Variants in RANBP3 observed in about 807,000 individuals in gnomAD.
The protein encoded by RANBP3 is RAN binding protein 3.
Under a neutral mutation model 77.3 loss-of-function variants are expected in RANBP3, and 14 were observed. The observed-to-expected ratio is 0.18, with a 90% confidence interval of 0.12 to 0.28. RANBP3 has a LOEUF of 0.28. RANBP3 is among the 10% of genes least tolerant of loss of function. The probability of loss-of-function intolerance (pLI) is 1.00; values close to 1 mark genes in which losing one functional copy is unlikely to be tolerated. For synonymous variants in RANBP3, 315 were observed against 312.4 expected (o/e 1.01, Z -0.09); for missense variants, 586 against 752.3 (o/e 0.78, Z 2.59).
At chr19:5,965,837 C>T (rs971139492) in intron 1 of RANBP3, 3 of 152,236 alleles carry the variant, frequency 2.0e-5, no homozygotes, top group African/African-American at 7.2e-5. Flanking sequence ...CAGCGTTCTT[C>T]GAGCACTTCT....
At chr19:5,929,461 G>A (rs778526981) in intron 8 of RANBP3, among the ~76,000 whole-genome samples, 2 of 152,240 alleles carry the variant, frequency 1.3e-5, no homozygotes, top group Non-Finnish European at 2.9e-5. Flanking sequence ...GATGGGGCAG[G>A]CAAACAGCAA....
At chr19:5,941,321 G>A (rs1413752647) in intron 5 of RANBP3, among the ~76,000 whole-genome samples, 3 of 152,122 alleles carry the variant, frequency 2.0e-5, no homozygotes, top group African/African-American at 7.3e-5. Context: ...ACAGGCAGAG[G>A]CCCCAACAGG....
chr19:5,966,625 A>G (rs1599795625), intron 1 of RANBP3, among the ~76,000 whole-genome samples: 1 of 152,248 alleles, frequency 6.6e-6, no homozygotes, highest in African/African-American at 2.4e-5. Context: ...TTGCTTCCCC[A>G]CCAGCCCATG....
chr19:5,924,008 G>A lies in RANBP3; in HGVS notation c.997-94C>T, dbSNP rs543631002. On this transcript the variant is annotated intron_variant, in intron 11 of 16. Transcript: ENST00000340578. This position sits in a 1 kb window ranked among gnomAD's most constrained non-coding sequence, Gnocchi z 4.7. ...CTCTCTGCCTGGCCCCCAACACTAC[G>A]CTGCCCCCAGCACTCCTGCCCACTC... The A allele has an allele frequency of 2.0e-4, 191 of 941,794 alleles. 5 individuals carry two copies. In the South Asian group the frequency reaches 2.6e-3, roughly 13 times the overall value. 58.3% of individuals were successfully genotyped at this position (941,794 alleles called of 1,614,324 possible).
chr19:5,968,932 C>T (rs762652915), intron 1 of RANBP3, among the ~76,000 whole-genome samples: 88 of 152,206 alleles, frequency 5.8e-4, no homozygotes, highest in Admixed American at 9.8e-4. Context: ...GAGCTGGGTG[C>T]TGCAGAGAAA....
intron 1 of RANBP3, 121 bp downstream of exon 1, chr19:5,977,940 C>T (rs2058617167): frequency 1.5e-6 from 2 of 1,322,526 alleles, no homozygotes; most frequent in African/African-American, 3.1e-5. Flanking sequence ...CGCCACGGCG[C>T]TAGCCTGGAG....
chr19:5,917,691 C>A, intron 16 of RANBP3, 38 bp from the exon 17 acceptor site: 1 of 1,599,524 alleles, frequency 6.3e-7, no homozygotes. Context: ...GGATGGAGCC[C>A]GCACTTCCCA....
chr19:5,932,330 T>C, intron 7 of RANBP3, 122 bp downstream of exon 7: 1 of 761,412 alleles, frequency 1.3e-6, no homozygotes, highest in Non-Finnish European at 2.2e-6. Context: ...TCTTCCCTGA[T>C]CTCTCTGTAT....
At chr19:5,967,313 T>C (rs972309693) in intron 1 of RANBP3, among the ~76,000 whole-genome samples, 8 of 152,222 alleles carry the variant, frequency 5.3e-5, no homozygotes, top group Non-Finnish European at 7.3e-5. Flanking sequence ...TATCCTACAT[T>C]TTATGTACTT....
intron 1 of RANBP3, among the ~76,000 whole-genome samples, chr19:5,961,398 G>A (rs577232246): frequency 1.1e-4 from 16 of 147,474 alleles, no homozygotes; most frequent in African/African-American, 3.8e-4. Context: ...GTGACAGAGC[G>A]AGATTCCATC....
At chr19:5,917,760 C>T in intron 16 of RANBP3, 34 bp downstream of exon 16, 1 of 1,589,798 alleles carries the variant, frequency 6.3e-7, no homozygotes, top group Non-Finnish European at 8.6e-7. Context: ...GCAGCTCTTT[C>T]TATCCCCCCC....
chr19:5,948,034 G>C (rs1248098859), intron 3 of RANBP3, among the ~76,000 whole-genome samples: 1 of 152,170 alleles, frequency 6.6e-6, no homozygotes, highest in Non-Finnish European at 1.5e-5. Flanking sequence ...CCCAGGGAAA[G>C]GGACAAAGCT....
intron 2 of RANBP3, among the ~76,000 whole-genome samples, chr19:5,957,440 C>CT (rs1235042627): frequency 4.6e-5 from 7 of 152,112 alleles, no homozygotes; most frequent in Non-Finnish European, 1.0e-4. Flanking sequence ...AACAATTACT[C>CT]TAAATGCACG....
rs931816146 is a variant in RANBP3, at chr19:5,924,090, C to T, written c.997-176G>A. Reference sequence around the variant, plus strand: ...CCACGTGGTCCCTCAGGCATCACTACGGGGTGAGTGCCACCAGCCGACAGT... The same window carrying T: ...CCACGTGGTCCCTCAGGCATCACTATGGGGTGAGTGCCACCAGCCGACAGT... On this transcript the variant is annotated intron_variant, in intron 11 of 16. Transcript: ENST00000340578. The surrounding 1 kb of genome is among the most constrained non-coding windows in gnomAD (Gnocchi z 4.7). Among the ~76,000 whole-genome samples the T allele has an allele frequency of 5.3e-5, 8 of 152,178 alleles. No homozygotes were observed. The highest frequency in any genetic ancestry group is 7.3e-5 in the Non-Finnish European group (5 of 68,028).
At chr19:5,935,685 C>G (rs548371986) in intron 5 of RANBP3, 1 of 456,274 alleles carries the variant, frequency 2.2e-6, no homozygotes, top group African/African-American at 2.0e-5. Flanking sequence ...TGCCACCGAC[C>G]TGCCACTAGT....
chr19:5,953,447 TA>T (rs574556437), intron 2 of RANBP3, among the ~76,000 whole-genome samples: 1 of 152,210 alleles, frequency 6.6e-6, no homozygotes, highest in African/African-American at 2.4e-5. Flanking sequence ...AAAGCAGGTC[TA>T]AACACCCTAC....
intron 14 of RANBP3, among the ~76,000 whole-genome samples, chr19:5,919,091 C>T (rs1159957260): frequency 1.3e-5 from 2 of 152,238 alleles, no homozygotes; most frequent in South Asian, 2.1e-4. Flanking sequence ...TGGGAGTCCA[C>T]GTCCTCCTGA....
intron 1 of RANBP3, among the ~76,000 whole-genome samples, chr19:5,962,896 G>T (rs1349317919): frequency 6.6e-6 from 1 of 152,074 alleles, no homozygotes; most frequent in African/African-American, 2.4e-5. Flanking sequence ...CTATCACCAG[G>T]CTGATTCTGG....
At chr19:5,949,010 C>T (rs2058242651) in intron 3 of RANBP3, among the ~76,000 whole-genome samples, 1 of 152,136 alleles carries the variant, frequency 6.6e-6, no homozygotes, top group South Asian at 2.1e-4. Flanking sequence ...CTTCCATGGC[C>T]AGGGTTCTGA....
Sources: gnomAD v4.1 joint callset for allele counts (sites outside exome capture counted in the v4.1 genomes callset) on GRCh38, gnomAD v4.1.1 for gene constraint, Gnocchi (gnomAD v3.1) non-coding constraint, MANE v1.5 for transcripts, NCBI Gene and HGNC (gene_info 2026-07-23, HGNC 2026-07-21) for gene names.